The following CA8 variants were observed in gnomAD, a reference collection of about 807,000 sequenced individuals.
The protein encoded by CA8 is carbonic anhydrase 8 (inactive), also known as carbonic anhydrase-related protein.
A neutral mutation model predicts 41.4 loss-of-function variants in CA8; 22 were observed. The observed-to-expected ratio is 0.53, with a 90% CI of 0.38 to 0.76. The LOEUF is 0.76. CA8 is among the 30% of genes least tolerant of loss of function. The pLI is 0.00. For missense variants in CA8, 270 were observed against 352.8 expected (o/e 0.77, Z 1.88); for synonymous variants, 121 against 130.6 (o/e 0.93, Z 0.50).
chr8:60,209,684 T>G (rs988849183), intron 7 of CA8, among the ~76,000 whole-genome samples: 5 of 152,036 alleles, frequency 3.3e-5, no homozygotes, highest in African/African-American at 1.2e-4. Flanking sequence ...ATCAAAAGAC[T>G]TTTGCCACTT....
chr8:60,271,720 G>A (rs1442467934), intron 2 of CA8, among the ~76,000 whole-genome samples: 1 of 152,198 alleles, frequency 6.6e-6, no homozygotes, highest in Non-Finnish European at 1.5e-5. Context: ...TTAAGACATT[G>A]CTTGTAGTCA....
intron 8 of CA8, among the ~76,000 whole-genome samples, chr8:60,206,347 G>A (rs946723303): frequency 6.6e-6 from 1 of 152,130 alleles, no homozygotes; most frequent in Non-Finnish European, 1.5e-5. Context: ...CTCTGTGTGT[G>A]TGTGTGCGCG....
intron 7 of CA8, among the ~76,000 whole-genome samples, chr8:60,209,427 G>A (rs374054870): frequency 2.0e-5 from 3 of 152,002 alleles, no homozygotes; most frequent in East Asian, 3.9e-4. Context: ...GGAGGTTGCA[G>A]TGAGCCGAGA....
At chr8:60,232,596 T>C (rs1030917638) in intron 3 of CA8, 7 of 582,804 alleles carry the variant, frequency 1.2e-5, no homozygotes, top group Non-Finnish European at 1.6e-5. Context: ...CACTGCCTCT[T>C]AAGTCCAGTT....
intron 2 of CA8, among the ~76,000 whole-genome samples, chr8:60,271,149 C>T (rs1196502353): frequency 6.6e-6 from 1 of 152,042 alleles, no homozygotes; most frequent in Non-Finnish European, 1.5e-5. Flanking sequence ...TCATGACCAG[C>T]CTGGGTAACA....
At chr8:60,269,313 T>G (rs892964391) in intron 2 of CA8, among the ~76,000 whole-genome samples, 8 of 152,160 alleles carry the variant, frequency 5.3e-5, no homozygotes, top group African/African-American at 1.7e-4. Context: ...TTTTGCTGAG[T>G]GATATTGGGT....
intron 8 of CA8, among the ~76,000 whole-genome samples, chr8:60,204,644 T>C (rs901068293): frequency 1.3e-5 from 2 of 152,180 alleles, no homozygotes; most frequent in African/African-American, 4.8e-5. Flanking sequence ...TTTACTGAAA[T>C]CATTTTGAGA....
At chr8:60,272,933 G>A (rs899490205) in intron 2 of CA8, among the ~76,000 whole-genome samples, 2 of 152,226 alleles carry the variant, frequency 1.3e-5, no homozygotes, top group African/African-American at 2.4e-5. Context: ...ATCTGGCAAA[G>A]TAGGCCTGCT....
chr8:60,240,919 TTGAA>T (rs1808004150), intron 3 of CA8, among the ~76,000 whole-genome samples: 1 of 150,170 alleles, frequency 6.7e-6, no homozygotes, highest in Non-Finnish European at 1.5e-5. Flanking sequence ...ATACTGGAAA[TTGAA>T]AGAAAGAAGA....
chr8:60,202,756 T>C (rs1485030516), intron 8 of CA8, among the ~76,000 whole-genome samples: 1 of 152,098 alleles, frequency 6.6e-6, no homozygotes, highest in Admixed American at 6.6e-5. Context: ...AACGAATGCT[T>C]TGGATCATTC....
intron 3 of CA8, among the ~76,000 whole-genome samples, chr8:60,233,605 C>T (rs1807733770): frequency 6.6e-6 from 1 of 152,184 alleles, no homozygotes; most frequent in African/African-American, 2.4e-5. Context: ...TAATAAAAGA[C>T]AATTTTAATC....
intron 3 of CA8, among the ~76,000 whole-genome samples, chr8:60,233,918 T>A (rs1807743834): frequency 1.3e-5 from 2 of 152,200 alleles, no homozygotes; most frequent in African/African-American, 4.8e-5. Flanking sequence ...ATTTTTTGTG[T>A]GTTTAAAAAG....
intron 2 of CA8, 117 bp downstream of exon 2, chr8:60,279,572 C>A: frequency 1.1e-6 from 1 of 877,914 alleles, no homozygotes; most frequent in Non-Finnish European, 1.8e-6. Flanking sequence ...ACAAAGGTAT[C>A]CTGAAAATAG....
Position 60,186,708 on chromosome 8 carries a change from T to A in CA8, c.*3313A>T, listed in dbSNP as rs904738488. Among the ~76,000 whole-genome samples the A allele has an allele frequency of 6.6e-6, 1 of 151,190 alleles. No homozygotes were observed. The highest frequency in any genetic ancestry group is 1.5e-5 in the Non-Finnish European group (1 of 67,716). ...TATAAATAAGTTGAAAGTGAAAAGA[T>A]GAAAAAAGATACATCATACAAATAG... On this transcript the variant is annotated 3_prime_UTR_variant, in exon 9 of 9. Transcript: ENST00000317995.
At chr8:60,230,603 C>T (rs1442070339) in intron 4 of CA8, among the ~76,000 whole-genome samples, 1 of 150,860 alleles carries the variant, frequency 6.6e-6, no homozygotes, top group African/African-American at 2.4e-5. Flanking sequence ...TTCCCTCCTT[C>T]CCTCCTTCCT....
At chr8:60,275,694 C>T (rs1804209365) in intron 2 of CA8, among the ~76,000 whole-genome samples, 1 of 151,830 alleles carries the variant, frequency 6.6e-6, no homozygotes, top group Non-Finnish European at 1.5e-5. Flanking sequence ...AAGAAAATTG[C>T]TGGTAAATAA....
At chr8:60,213,673 A>G (rs1426244495) in intron 7 of CA8, among the ~76,000 whole-genome samples, 1 of 152,166 alleles carries the variant, frequency 6.6e-6, no homozygotes, top group East Asian at 1.9e-4. Flanking sequence ...ATAACTTTTT[A>G]CCTTGACTAC....
chr8:60,188,922 A>T lies in CA8; in HGVS notation c.*1099T>A, dbSNP rs574427596. The T allele has an allele frequency of 6.6e-6, 1 of 152,246 alleles. No homozygotes were observed. Among genetic ancestry groups the T allele is most frequent in the South Asian group, 2.1e-4 (1 of 4,828 alleles). 9.4% of individuals were successfully genotyped at this position (152,246 alleles called of 1,614,324 possible). On this transcript the variant is annotated 3_prime_UTR_variant, in exon 9 of 9. Coordinates refer to ENST00000317995, the MANE Select transcript of CA8 (RefSeq NM_004056.6). ...TATGACTTAGATATTCTGCATCACA[A>T]AATCCCTCCAAACTGGGACTATGTT...
At position 60,266,033 on chromosome 8, in the gene CA8, T is replaced by C. The variant is rs73685412; in HGVS notation, c.309A>G (p.Pro103=). ...GTTCAAATTCATGCCCTTGAGGCAA[T>C]GGTCCTCCCGAAAGAACTGAAAAAG... The part of the protein sequence containing the change: ...LKSKSVLSGG[P]LPQGHEFELY... The change falls in exon 3 of 9, where the codon CCA becomes CCG. Residue 103 remains proline, a synonymous_variant. Transcript: ENST00000317995. 2.3e-4 allele frequency: 369 copies of C among 1,613,708 alleles called. 2 individuals are homozygous for C. In the African/African-American group the frequency reaches 4.3e-3, roughly 19 times the overall value.
Sources: allele counts gnomAD v4.1 joint callset (sites outside exome capture counted in the v4.1 genomes callset), GRCh38; gene constraint gnomAD v4.1.1; transcripts MANE v1.5; gene names NCBI Gene and HGNC (gene_info 2026-07-23, HGNC 2026-07-21).